Variants in NRXN3 observed in about 807,000 individuals in gnomAD.
NRXN3 encodes the protein neurexin 3, also known as neurexin III.
NRXN3 carries 32 observed loss-of-function variants against 137.6 expected under a neutral mutation model. That is an observed-to-expected ratio of 0.23 (90% CI 0.18 to 0.31). The LOEUF (loss-of-function observed/expected upper bound fraction) is 0.31. Ranked by LOEUF, NRXN3 falls within the 10% of genes least tolerant of loss-of-function variation. The pLI is 1.00. For synonymous variants in NRXN3, 798 were observed against 784.5 expected (o/e 1.02, Z -0.29); for missense variants, 1,574 against 2,062.5 (o/e 0.76, Z 4.59).
chr14:79,471,790 A>G (rs1484535777), intron 16 of NRXN3, among the ~76,000 whole-genome samples: 1 of 152,166 alleles, frequency 6.6e-6, no homozygotes, highest in African/African-American at 2.4e-5. Context: ...GCAAATGAAG[A>G]AAGGGTCACC....
intron 10 of NRXN3, among the ~76,000 whole-genome samples, chr14:78,871,138 G>A (rs113545906): frequency 1.7e-3 from 246 of 148,918 alleles, no homozygotes; most frequent in African/African-American, 5.4e-3. Flanking sequence ...GGAATACTCC[G>A]TGCTGTTCTC....
intron 10 of NRXN3, among the ~76,000 whole-genome samples, chr14:78,864,479 T>C (rs1322891248): frequency 6.6e-6 from 1 of 152,056 alleles, no homozygotes; most frequent in African/African-American, 2.4e-5. Flanking sequence ...ATGTGAATTA[T>C]TGTCATTAAC....
intron 15 of NRXN3, among the ~76,000 whole-genome samples, chr14:79,080,314 G>T (rs7145587): frequency 0.92 from 139,846 of 152,252 alleles, 65,131 homozygotes; most frequent in Non-Finnish European, 0.99. Context: ...TAAACACTGG[G>T]CAGAAGCAGA....
intron 2 of NRXN3, among the ~76,000 whole-genome samples, chr14:78,260,025 C>T (rs578196093): frequency 1.9e-4 from 29 of 152,302 alleles, no homozygotes; most frequent in African/African-American, 5.8e-4. Flanking sequence ...CAAATTCTCT[C>T]GCTGAAACTC....
At chr14:79,083,520 A>G (rs1349153333) in intron 15 of NRXN3, among the ~76,000 whole-genome samples, 1 of 152,248 alleles carries the variant, frequency 6.6e-6, no homozygotes, top group Non-Finnish European at 1.5e-5. Flanking sequence ...CGTCAACTGG[A>G]TTCATCTTTT....
intron 16 of NRXN3, among the ~76,000 whole-genome samples, chr14:79,470,831 A>G (rs1034372134): frequency 5.3e-5 from 8 of 151,770 alleles, no homozygotes; most frequent in Non-Finnish European, 1.2e-4. Context: ...AAAACAAAGT[A>G]CAAACTCCAA....
chr14:78,629,250 C>A (rs546003417), intron 4 of NRXN3, among the ~76,000 whole-genome samples: 1 of 152,086 alleles, frequency 6.6e-6, no homozygotes, highest in Non-Finnish European at 1.5e-5. Flanking sequence ...ATGACAGGCA[C>A]GTAATAGAGA....
At chr14:79,332,046 T>C (rs2091756781) in intron 15 of NRXN3, among the ~76,000 whole-genome samples, 1 of 152,214 alleles carries the variant, frequency 6.6e-6, no homozygotes, top group African/African-American at 2.4e-5. Flanking sequence ...TTTTGTTTTG[T>C]TAGCTCTCAG....
intron 8 of NRXN3, among the ~76,000 whole-genome samples, chr14:78,754,312 TC>T (rs1455021251): frequency 2.0e-5 from 3 of 152,150 alleles, no homozygotes; most frequent in Non-Finnish European, 4.4e-5. Context: ...CCAGTTGGCC[TC>T]CGTTTCTTTG....
chr14:78,745,867 T>C (rs2098604817), intron 8 of NRXN3, among the ~76,000 whole-genome samples: 1 of 152,192 alleles, frequency 6.6e-6, no homozygotes, highest in Non-Finnish European at 1.5e-5. Context: ...TGACTCATAG[T>C]TCCAAATCAC....
chr14:79,285,185 C>T (rs758614514), intron 15 of NRXN3, among the ~76,000 whole-genome samples: 10 of 152,044 alleles, frequency 6.6e-5, no homozygotes, highest in African/African-American at 1.2e-4. Context: ...AAAAACAAGA[C>T]GCACACACAC....
intron 15 of NRXN3, among the ~76,000 whole-genome samples, chr14:79,413,055 CACTTA>C (rs1283770691): frequency 6.6e-6 from 1 of 152,118 alleles, no homozygotes; most frequent in Non-Finnish European, 1.5e-5. Flanking sequence ...TCCCAATAGA[CACTTA>C]ACCTGACTCT....
intron 15 of NRXN3, among the ~76,000 whole-genome samples, chr14:79,068,551 CT>C (rs2099683619): frequency 6.6e-6 from 1 of 152,070 alleles, no homozygotes; most frequent in African/African-American, 2.4e-5. Flanking sequence ...TAAATTTGAT[CT>C]TTCTTGAATT....
intron 4 of NRXN3, among the ~76,000 whole-genome samples, chr14:78,553,346 C>A (rs75621957): frequency 0.031 from 4,743 of 152,212 alleles, 95 homozygotes; most frequent in Non-Finnish European, 0.037. Context: ...ATTGTCTGGG[C>A]TTATTTTCAC....
At chr14:79,776,904 T>C (rs533771760) in intron 19 of NRXN3, among the ~76,000 whole-genome samples, 1 of 152,310 alleles carries the variant, frequency 6.6e-6, no homozygotes, top group Admixed American at 6.5e-5. Flanking sequence ...TTCATCTGAT[T>C]CAACCCATGT....
chr14:78,963,313 T>C (rs1454685542), intron 11 of NRXN3, among the ~76,000 whole-genome samples: 1 of 152,200 alleles, frequency 6.6e-6, no homozygotes, highest in Admixed American at 6.5e-5. Flanking sequence ...GGAACCTCAA[T>C]CTTCACCAGA....
intron 16 of NRXN3, among the ~76,000 whole-genome samples, chr14:79,471,526 G>A (rs899664641): frequency 6.6e-6 from 1 of 152,164 alleles, no homozygotes; most frequent in Non-Finnish European, 1.5e-5. Flanking sequence ...AGTATCTTAA[G>A]CTCATGTTGC....
At chr14:79,107,498 G>C (rs1187171391) in intron 15 of NRXN3, among the ~76,000 whole-genome samples, 1 of 152,126 alleles carries the variant, frequency 6.6e-6, no homozygotes, top group African/African-American at 2.4e-5. Flanking sequence ...TTTAACTGAG[G>C]GAATGATGTA....
intron 15 of NRXN3, among the ~76,000 whole-genome samples, chr14:79,126,444 G>A (rs984367079): frequency 4.6e-5 from 7 of 151,120 alleles, no homozygotes; most frequent in African/African-American, 1.2e-4. Context: ...TTGTTCTTGC[G>A]ATAGTTTACT....
Sources: allele counts gnomAD v4.1 joint callset (sites outside exome capture counted in the v4.1 genomes callset), GRCh38; gene constraint gnomAD v4.1.1; transcripts MANE v1.5; gene names NCBI Gene and HGNC (gene_info 2026-07-23, HGNC 2026-07-21).